Variants in ERC1 observed in about 807,000 individuals in gnomAD.
ERC1 encodes ELKS/RAB6-interacting/CAST family member 1.
Under a neutral mutation model 132.0 loss-of-function variants are expected in ERC1, and 56 were observed. The observed-to-expected ratio is 0.42, with a 90% CI of 0.34 to 0.53. ERC1 has a LOEUF of 0.53. Among genes scored for constraint, ERC1 ranks in the 20% least tolerant of loss-of-function variants. ERC1 has a pLI of 0.03. For synonymous variants in ERC1, 478 were observed against 476.1 expected (o/e 1.00, Z -0.05); for missense variants, 1,202 against 1,349.9 (o/e 0.89, Z 1.72).
At chr12:1,145,646 C>G (rs746095918) in intron 8 of ERC1, among the ~76,000 whole-genome samples, 2 of 152,074 alleles carry the variant, frequency 1.3e-5, no homozygotes, top group Non-Finnish European at 2.9e-5. Flanking sequence ...AAGTCTTTGC[C>G]TAAGCTGACA....
intron 15 of ERC1, among the ~76,000 whole-genome samples, chr12:1,325,920 A>G (rs537997850): frequency 6.6e-6 from 1 of 152,264 alleles, no homozygotes; most frequent in South Asian, 2.1e-4. Context: ...ACCATTGTAT[A>G]CAGTCTCTTT....
intron 15 of ERC1, among the ~76,000 whole-genome samples, chr12:1,315,405 C>T (rs2081612837): frequency 6.6e-6 from 1 of 151,600 alleles, no homozygotes; most frequent in Non-Finnish European, 1.5e-5. Flanking sequence ...GGCTAGAGTG[C>T]AGTGGTGTGA....
intron 2 of ERC1, among the ~76,000 whole-genome samples, chr12:1,080,049 C>T (rs1415334337): frequency 6.6e-6 from 1 of 152,172 alleles, no homozygotes; most frequent in Non-Finnish European, 1.5e-5. Flanking sequence ...GTGCATCTTA[C>T]AATAGTGAAA....
At chr12:1,058,045 C>A (rs1265367650) in intron 2 of ERC1, among the ~76,000 whole-genome samples, 1 of 151,308 alleles carries the variant, frequency 6.6e-6, no homozygotes, top group Non-Finnish European at 1.5e-5. Context: ...TTTGTTTTTG[C>A]TGTTGAGTTG....
chr12:1,114,099 C>G (rs569543815), intron 6 of ERC1, among the ~76,000 whole-genome samples: 2 of 152,268 alleles, frequency 1.3e-5, no homozygotes, highest in African/African-American at 4.8e-5. Context: ...TCTCGGCTCA[C>G]TGCAACCTCT....
chr12:1,071,554 T>G (rs1940359150), intron 2 of ERC1, among the ~76,000 whole-genome samples: 1 of 152,146 alleles, frequency 6.6e-6, no homozygotes, highest in Non-Finnish European at 1.5e-5. Flanking sequence ...AAAAGTTTTT[T>G]TTTTTTAATT....
intron 2 of ERC1, among the ~76,000 whole-genome samples, chr12:1,065,832 A>T (rs1460555786): frequency 5.3e-5 from 8 of 152,172 alleles, no homozygotes; most frequent in African/African-American, 1.9e-4. Context: ...GTATTCAGCC[A>T]TGAAAAGGAA....
Position 1,180,557 on chromosome 12 carries a change from G to T in ERC1, c.1755G>T (p.Glu585Asp). 1 of 1,613,922 alleles carries T rather than the reference G, an allele frequency of 6.2e-7. No individual in the cohort carries two copies. Among genetic ancestry groups the T allele is most frequent in the Non-Finnish European group, 8.5e-7 (1 of 1,179,958 alleles). ...ACATTTAGATTGAAAATCTTCAAGA[G>T]CAGCTTAGAGACAAGGAAAAGCAGA... is the stretch of plus-strand genomic sequence containing the variant. Reference protein sequence around the residue: ...VLQKKIENLQEQLRDKEKQMS... With the variant: ...VLQKKIENLQDQLRDKEKQMS... Residue 585 changes from glutamate to aspartate, a missense_variant, in exon 9 of 19, where the codon GAG becomes GAT. Glu to Asp is a conservative substitution (Grantham distance 45). Coordinates refer to ENST00000360905, the MANE Select transcript of ERC1 (RefSeq NM_178040.4).
intron 12 of ERC1, among the ~76,000 whole-genome samples, chr12:1,209,403 A>AT (rs11361651): frequency 0.014 from 1,948 of 141,802 alleles, 47 homozygotes; most frequent in African/African-American, 0.042. Flanking sequence ...TCTTCATAGC[A>AT]TTTTTTTTTT....
intron 3 of ERC1, among the ~76,000 whole-genome samples, chr12:1,095,296 G>A (rs1565953115): frequency 6.6e-6 from 1 of 151,466 alleles, no homozygotes; most frequent in East Asian, 1.9e-4. Context: ...CAGGCATGGT[G>A]GTGCATGCCT....
intron 15 of ERC1, among the ~76,000 whole-genome samples, chr12:1,337,730 G>A (rs1240608160): frequency 6.6e-6 from 1 of 152,182 alleles, no homozygotes. Flanking sequence ...TGTAAGGCAG[G>A]TTTGATAGTA....
chr12:1,330,507 C>A (rs1273273323), intron 15 of ERC1, among the ~76,000 whole-genome samples: 1 of 152,082 alleles, frequency 6.6e-6, no homozygotes, highest in Non-Finnish European at 1.5e-5. Flanking sequence ...AAATCATACA[C>A]TTAAAACTCT....
At chr12:1,008,830 C>T (rs542639434) in intron 1 of ERC1, among the ~76,000 whole-genome samples, 1 of 152,146 alleles carries the variant, frequency 6.6e-6, no homozygotes, top group South Asian at 2.1e-4. Flanking sequence ...AGTTTCAATT[C>T]CCGTGAAATA....
chr12:1,221,406 C>T (rs1394377107), intron 12 of ERC1, among the ~76,000 whole-genome samples: 1 of 152,260 alleles, frequency 6.6e-6, no homozygotes, highest in East Asian at 1.9e-4. Flanking sequence ...AAATAAAAGA[C>T]ACTAAATGTA....
chr12:1,141,844 C>A, intron 8 of ERC1, 57 bp downstream of exon 8: 1 of 1,280,238 alleles, frequency 7.8e-7, no homozygotes, highest in Non-Finnish European at 1.0e-6. Context: ...TTCACTCCTA[C>A]CACTAAGTTA....
chr12:1,029,359 A>T (rs1333211541), intron 2 of ERC1, among the ~76,000 whole-genome samples: 2 of 152,150 alleles, frequency 1.3e-5, no homozygotes, highest in African/African-American at 4.8e-5. Flanking sequence ...AAGAAAAAAA[A>T]GTTAATGTTG....
intron 17 of ERC1, among the ~76,000 whole-genome samples, chr12:1,435,816 T>C: frequency 6.6e-6 from 1 of 152,186 alleles, no homozygotes; most frequent in East Asian, 1.9e-4. Context: ...CTTGCCTTTC[T>C]CCAATGGAAA....
At chr12:1,301,831 G>A (rs10848456) in intron 15 of ERC1, among the ~76,000 whole-genome samples, 84,046 of 151,904 alleles carry the variant, frequency 0.55, 26,751 homozygotes, top group African/African-American at 0.88. Context: ...TTAAGAAAAA[G>A]AAAGAAAAAG....
chr12:1,020,996 G>A (rs1966273339), intron 1 of ERC1, among the ~76,000 whole-genome samples: 1 of 152,212 alleles, frequency 6.6e-6, no homozygotes, highest in Non-Finnish European at 1.5e-5. Flanking sequence ...CAGGAGTGCA[G>A]TGGCGCAGTC....
Sources: gnomAD v4.1 joint callset for allele counts (sites outside exome capture counted in the v4.1 genomes callset) on GRCh38, gnomAD v4.1.1 for gene constraint, MANE v1.5 for transcripts, NCBI Gene and HGNC (gene_info 2026-07-23, HGNC 2026-07-21) for gene names.